The following KLF8 variants were observed in gnomAD, a reference collection of about 807,000 sequenced individuals.
KLF8 encodes KLF transcription factor 8.
In KLF8, 10 loss-of-function variants were observed where a neutral mutation model predicts 18.2. That is an observed-to-expected ratio of 0.55 (90% CI 0.34 to 0.93). The LOEUF is 0.93. Among genes scored for constraint, KLF8 ranks in the 40% least tolerant of loss-of-function variants. The probability of loss-of-function intolerance (pLI) is 0.02; values close to 1 mark genes in which losing one functional copy is unlikely to be tolerated. For synonymous variants in KLF8, 109 were observed against 97.3 expected (o/e 1.12, Z -0.71); for missense variants, 264 against 277.9 (o/e 0.95, Z 0.36).
At chrX:55,986,881 G>T in the KLF8 span, among the ~76,000 whole-genome samples, 400 of 111,183 alleles carry the variant, frequency 3.6e-3, 5 homozygotes, top group African/African-American at 0.013. Flanking sequence ...GTAGTATCTG[G>T]TTTTCTGTTT....
chrX:56,072,091 T>G, the KLF8 span, among the ~76,000 whole-genome samples: 1 of 111,751 alleles, frequency 8.9e-6, no homozygotes, highest in African/African-American at 3.2e-5. Context: ...TATTACAATT[T>G]CACTAATTCT....
At chrX:56,056,770 G>T in the KLF8 span, among the ~76,000 whole-genome samples, 1 of 95,905 alleles carries the variant, frequency 1.0e-5, no homozygotes, top group African/African-American at 4.0e-5. Context: ...TGCACAATGT[G>T]CACATGTACC....
the KLF8 span, among the ~76,000 whole-genome samples, chrX:56,039,542 G>A: frequency 1.8e-5 from 2 of 111,545 alleles, no homozygotes; most frequent in Non-Finnish European, 1.9e-5. Context: ...TTATTTCTGA[G>A]TATCTATTCT....
At chrX:56,140,059 C>T in the KLF8 span, among the ~76,000 whole-genome samples, 1 of 111,911 alleles carries the variant, frequency 8.9e-6, no homozygotes, top group Non-Finnish European at 1.9e-5. Flanking sequence ...CGAATAGATG[C>T]CATCTCATAC....
At chrX:56,187,121 A>G in the KLF8 span, among the ~76,000 whole-genome samples, 3 of 110,862 alleles carry the variant, frequency 2.7e-5, no homozygotes, top group Non-Finnish European at 3.8e-5. Context: ...TTGATAGACC[A>G]CTAGCAAGAC....
the KLF8 span, among the ~76,000 whole-genome samples, chrX:56,215,822 C>CAAAAAAAAAAAAAA: frequency 2.9e-4 from 9 of 31,386 alleles, no homozygotes; most frequent in East Asian, 1.0e-3. Flanking sequence ...GACTCTGTCT[C>CAAAAAAAAAAAAAA]AAAAAAAAAA....
the KLF8 span, among the ~76,000 whole-genome samples, chrX:55,945,186 G>A: frequency 9.0e-6 from 1 of 111,144 alleles, no homozygotes; most frequent in African/African-American, 3.3e-5. Context: ...TTGCACTGTG[G>A]TCTGAGAGAC....
the KLF8 span, among the ~76,000 whole-genome samples, chrX:55,924,950 G>A: frequency 2.0e-5 from 2 of 98,806 alleles, no homozygotes; most frequent in African/African-American, 7.4e-5. Flanking sequence ...CCGCCTCCCG[G>A]GTTCAATTGA....
chrX:55,929,180 G>C, the KLF8 span, among the ~76,000 whole-genome samples: 5 of 112,471 alleles, frequency 4.4e-5, no homozygotes, highest in Non-Finnish European at 9.4e-5. Context: ...CTTTTGAGAA[G>C]TGTCTGTTCA....
At chrX:56,210,607 T>C in the KLF8 span, among the ~76,000 whole-genome samples, 5 of 111,355 alleles carry the variant, frequency 4.5e-5, no homozygotes, top group African/African-American at 1.6e-4. Flanking sequence ...TTCTCTGTTA[T>C]CCCTTTGAAT....
the KLF8 span, among the ~76,000 whole-genome samples, chrX:56,197,458 A>T: frequency 8.9e-6 from 1 of 111,816 alleles, no homozygotes; most frequent in South Asian, 3.7e-4. Context: ...TACTACAAAC[A>T]CCTCCACACA....
the KLF8 span, among the ~76,000 whole-genome samples, chrX:55,996,330 G>T: frequency 9.0e-6 from 1 of 111,355 alleles, no homozygotes; most frequent in Non-Finnish European, 1.9e-5. Flanking sequence ...GATAATCTTT[G>T]TTGCCATCCA....
At chrX:55,995,969 G>T in the KLF8 span, among the ~76,000 whole-genome samples, 1 of 111,447 alleles carries the variant, frequency 9.0e-6, no homozygotes, top group Non-Finnish European at 1.9e-5. Flanking sequence ...AATATTTTTT[G>T]TAAGTTGCTT....
the KLF8 span, among the ~76,000 whole-genome samples, chrX:56,126,996 A>G: frequency 9.3e-6 from 1 of 107,521 alleles, no homozygotes; most frequent in Non-Finnish European, 1.9e-5. Context: ...CAAGTGATCT[A>G]CCCGCCTCGG....
the KLF8 span, among the ~76,000 whole-genome samples, chrX:56,214,397 A>G: frequency 8.9e-6 from 1 of 112,117 alleles, no homozygotes; most frequent in Admixed American, 9.5e-5. Context: ...TATATGACAT[A>G]ATGTTATGAA....
the KLF8 span, among the ~76,000 whole-genome samples, chrX:56,064,271 T>C: frequency 2.7e-5 from 3 of 109,590 alleles, no homozygotes; most frequent in East Asian, 2.8e-4. Flanking sequence ...TATTTTATTA[T>C]TGTGTAATAC....
the KLF8 span, among the ~76,000 whole-genome samples, chrX:56,206,235 C>A: frequency 9.0e-6 from 1 of 110,928 alleles, no homozygotes; most frequent in Non-Finnish European, 1.9e-5. Flanking sequence ...ACCCCTGGTT[C>A]CTTTCACATC....
chrX:56,107,360 T>C, the KLF8 span, among the ~76,000 whole-genome samples: 4 of 112,126 alleles, frequency 3.6e-5, no homozygotes, highest in African/African-American at 1.3e-4. Flanking sequence ...CTTGCTGAGC[T>C]GCAGTAGGCC....
At chrX:56,181,582 G>C in the KLF8 span, among the ~76,000 whole-genome samples, 1 of 111,596 alleles carries the variant, frequency 9.0e-6, no homozygotes, top group Admixed American at 9.6e-5. Context: ...AGTTTGGCAT[G>C]TTTTTCAGTA....
Sources: allele counts gnomAD v4.1 joint callset (sites outside exome capture counted in the v4.1 genomes callset), GRCh38; gene constraint gnomAD v4.1.1; transcripts MANE v1.5; gene names NCBI Gene and HGNC (gene_info 2026-07-23, HGNC 2026-07-21).